The following ZNF292 variants were observed in gnomAD, a reference collection of about 807,000 sequenced individuals.
The protein encoded by ZNF292 is 16 zinc-finger domain protein.
In ZNF292, 26 loss-of-function variants were observed where a neutral mutation model predicts 217.9. That is an observed-to-expected ratio of 0.12 (90% CI 0.09 to 0.17). ZNF292 has a LOEUF of 0.17. ZNF292 is among the 10% of genes least tolerant of loss of function. ZNF292 has a pLI of 1.00. For missense variants in ZNF292, 2,904 were observed against 3,175.2 expected (o/e 0.91, Z 2.05); for synonymous variants, 1,257 against 1,124.1 (o/e 1.12, Z -2.37).
intron 1 of ZNF292, among the ~76,000 whole-genome samples, chr6:87,176,152 A>G (rs1771283886): frequency 6.6e-6 from 1 of 152,210 alleles, no homozygotes; most frequent in South Asian, 2.1e-4. Context: ...AGTCACCTTT[A>G]ACAGACTACA....
At chr6:87,208,242 A>G (rs1273605577) in intron 1 of ZNF292, among the ~76,000 whole-genome samples, 1 of 151,990 alleles carries the variant, frequency 6.6e-6, no homozygotes, top group Non-Finnish European at 1.5e-5. Flanking sequence ...GTACAGTTCT[A>G]TTTTCAGTAA....
intron 1 of ZNF292, among the ~76,000 whole-genome samples, chr6:87,173,202 T>G (rs1425914048): frequency 1.3e-4 from 1 of 7,560 alleles, no homozygotes; most frequent in Non-Finnish European, 3.1e-4. Flanking sequence ...TTTTGTAATT[T>G]TGGCACAAAA....
chr6:87,204,738 AT>A (rs1772196092), intron 1 of ZNF292, among the ~76,000 whole-genome samples: 1 of 151,216 alleles, frequency 6.6e-6, no homozygotes, highest in African/African-American at 2.4e-5. Flanking sequence ...TAATTTTTGT[AT>A]TTTTAGTAGA....
At chr6:87,180,172 AC>A (rs1331593216) in intron 1 of ZNF292, among the ~76,000 whole-genome samples, 1 of 152,258 alleles carries the variant, frequency 6.6e-6, no homozygotes, top group Non-Finnish European at 1.5e-5. Context: ...AAACAAAAAA[AC>A]AGAACAAAAC....
intron 7 of ZNF292, chr6:87,249,215 T>G (rs1247554020): frequency 6.2e-6 from 1 of 160,860 alleles, no homozygotes; most frequent in Non-Finnish European, 1.4e-5. Flanking sequence ...CAGCTTCAAC[T>G]TCCCAGGCTT....
At chr6:87,201,558 C>T (rs922712310) in intron 1 of ZNF292, among the ~76,000 whole-genome samples, 1 of 152,152 alleles carries the variant, frequency 6.6e-6, no homozygotes, top group African/African-American at 2.4e-5. Context: ...GCATGCACCA[C>T]CACACCCAGC....
chr6:87,256,128 T>C lies in ZNF292; in HGVS notation c.2499T>C (p.Thr833=), dbSNP rs1368706473. Reference sequence around the variant, plus strand: ...AAAAGCATCTGGATGATCACAGTACTCCTCCTGAAAAAGTGCTGCCTCCTG... The same window carrying C: ...AAAAGCATCTGGATGATCACAGTACCCCTCCTGAAAAAGTGCTGCCTCCTG... The part of the protein sequence containing the change: ...ELEKHLDDHS[T]PPEKVLPPEA... The change falls in exon 8 of 8, where the codon ACT becomes ACC. Residue 833 remains threonine, a synonymous_variant. Coordinates refer to ENST00000369577, the MANE Select transcript of ZNF292 (RefSeq NM_015021.3). The C allele has an allele frequency of 6.2e-7, 1 of 1,613,580 alleles. No homozygotes were observed. The highest frequency in any genetic ancestry group is 8.5e-7 in the Non-Finnish European group (1 of 1,179,746).
At chr6:87,241,197 T>C (rs1002078696) in intron 5 of ZNF292, among the ~76,000 whole-genome samples, 2 of 151,684 alleles carry the variant, frequency 1.3e-5, no homozygotes, top group Non-Finnish European at 2.9e-5. Context: ...GGCAGGAGAG[T>C]CGCTTGAACC....
Position 87,260,992 on chromosome 6 carries a change from G to A in ZNF292, c.7363G>A (p.Val2455Ile), listed in dbSNP as rs1467132597. 1 of 1,606,578 alleles carries A rather than the reference G, an allele frequency of 6.2e-7. No homozygotes were observed. Residue 2455 changes from valine (V) to isoleucine (I), a missense_variant, in exon 8 of 8, where the codon GTA (valine) becomes ATA (isoleucine). Val to Ile is a conservative substitution (Grantham distance 29). This residue lies in a region of ZNF292 where 380 missense variants were observed against 355.3 expected (regional missense o/e 1.07). Transcript: ENST00000369577. ...TGATGTGAAAGATTCTGACACGTGTGTATCAGAGAGCAATGATAATTCAAG... is the reference window on the plus strand; with the variant it reads ...TGATGTGAAAGATTCTGACACGTGTATATCAGAGAGCAATGATAATTCAAG... The part of the protein sequence containing the change: ...KNDVKDSDTC[V>I]SESNDNSRTT...
At chr6:87,177,144 A>G (rs1234700960) in intron 1 of ZNF292, among the ~76,000 whole-genome samples, 1 of 152,136 alleles carries the variant, frequency 6.6e-6, no homozygotes, top group Non-Finnish European at 1.5e-5. Flanking sequence ...CTTGGCCAAC[A>G]TGGTGAAAAC....
At chr6:87,252,857 A>G (rs1416677432) in intron 7 of ZNF292, among the ~76,000 whole-genome samples, 3 of 152,186 alleles carry the variant, frequency 2.0e-5, no homozygotes, top group Admixed American at 6.5e-5. Context: ...AGAGACACCC[A>G]TATGGTCCCA....
intron 7 of ZNF292, among the ~76,000 whole-genome samples, chr6:87,250,534 A>G (rs898061915): frequency 1.3e-5 from 2 of 152,226 alleles, no homozygotes; most frequent in African/African-American, 4.8e-5. Flanking sequence ...AATCTATGCA[A>G]ATGAAGTAAT....
At position 87,218,665 on chromosome 6, in the gene ZNF292, A is replaced by T. The variant is rs1772910085; in HGVS notation, c.472A>T (p.Thr158Ser). 6.3e-7 allele frequency: 1 copy of T among 1,592,710 alleles called. No homozygotes were observed. The highest frequency in any genetic ancestry group is 1.3e-5 in the African/African-American group (1 of 74,368). ...LHFLATLAQE[T>S]GVWKNPVLCT... ...TTTTTTAGCTACTCTAGCTCAAGAG[A>T]CTGGGGTGTGGAAAAACCCGGTACT... Residue 158 changes from threonine to serine, a missense_variant, in exon 4 of 8, where the codon ACT (threonine) becomes TCT (serine). Thr to Ser is a moderately conservative substitution (Grantham distance 58, BLOSUM62 1). Around this residue, in one of 15 missense-constraint regions of ZNF292, gnomAD observed 313 missense variants for 451.0 expected, o/e 0.69. Transcript: ENST00000369577.
intron 1 of ZNF292, among the ~76,000 whole-genome samples, chr6:87,174,535 A>G (rs1049368928): frequency 1.3e-5 from 2 of 152,154 alleles, no homozygotes; most frequent in African/African-American, 2.4e-5. Context: ...CTCTTCTGAC[A>G]GTATTTTCTT....
At chr6:87,245,095 A>G (rs1774503566) in intron 6 of ZNF292, among the ~76,000 whole-genome samples, 1 of 151,900 alleles carries the variant, frequency 6.6e-6, no homozygotes, top group African/African-American at 2.4e-5. Context: ...ACAAAAATTA[A>G]CCAGGCATGG....
rs1338757502 is a variant in ZNF292, at chr6:87,263,807, C to G, written c.*2006C>G. 1 of 152,014 alleles carries G rather than the reference C, an allele frequency of 6.6e-6. No individual in the cohort carries two copies. Among genetic ancestry groups the G allele is most frequent in the African/African-American group, 2.4e-5 (1 of 41,396 alleles). 9.4% of individuals were successfully genotyped at this position (152,014 alleles called of 1,614,324 possible). A position where few individuals can be genotyped will look rare whatever the true frequency, so the allele number is the denominator to read the frequency against. ...AGTTTTCTTAGAAATTGACCTAGCT[C>G]TTAAAGGTGGGCACTTGGCAAAACT... On this transcript the variant is annotated 3_prime_UTR_variant, in exon 8 of 8. Transcript: ENST00000369577.
intron 1 of ZNF292, among the ~76,000 whole-genome samples, chr6:87,158,394 G>A (rs1345831535): frequency 1.3e-5 from 2 of 152,116 alleles, no homozygotes; most frequent in African/African-American, 4.8e-5. Context: ...TTTATTTACA[G>A]GGGTGGAGGT....
chr6:87,192,067 A>G (rs1337645078), intron 1 of ZNF292, among the ~76,000 whole-genome samples: 1 of 152,246 alleles, frequency 6.6e-6, no homozygotes. Flanking sequence ...CAAACTTAGA[A>G]ATGATTAAAG....
In ZNF292 at chr6:87,252,512, T is replaced by C. The variant is rs144631213; in HGVS notation, c.1021-2138T>C. Reference sequence around the variant, plus strand: ...TTCCTGAATTTCTGAATAATCACACTGCTTCTCAGAACTTTCACCAGTAAG... The same window carrying C: ...TTCCTGAATTTCTGAATAATCACACCGCTTCTCAGAACTTTCACCAGTAAG... On this transcript the variant is annotated intron_variant, in intron 7 of 7. Transcript: ENST00000369577. Among the ~76,000 whole-genome samples, 549 of 152,338 alleles carry C rather than the reference T, an allele frequency of 3.6e-3. 2 individuals are homozygous for C. The highest frequency in any genetic ancestry group is 0.013 in the African/African-American group (528 of 41,576).
Sources: allele counts gnomAD v4.1 joint callset (sites outside exome capture counted in the v4.1 genomes callset), GRCh38; gene constraint gnomAD v4.1.1; regional missense constraint gnomAD v4.1.1; transcripts MANE v1.5; gene names NCBI Gene and HGNC (gene_info 2026-07-23, HGNC 2026-07-21).